Variants in PRSS23 observed in about 807,000 individuals in gnomAD.
PRSS23 encodes serine protease 23.
A neutral mutation model predicts 34.7 loss-of-function variants in PRSS23; 25 were observed. The observed-to-expected ratio is 0.72, with a 90% CI of 0.53 to 1.01. The LOEUF is 1.01. Among genes scored for constraint, PRSS23 ranks in the 50% least tolerant of loss-of-function variants. PRSS23 has a pLI of 0.00. For missense variants in PRSS23, 445 were observed against 475.6 expected, an observed-to-expected ratio of 0.94 and a Z score of 0.60; for synonymous variants, 176 against 186.6, an observed-to-expected ratio of 0.94 and a Z score of 0.46.
intron 2 of PRSS23, among the ~76,000 whole-genome samples, chr11:86,916,752 C>T (rs1168931356): frequency 1.3e-5 from 2 of 152,086 alleles, no homozygotes; most frequent in Non-Finnish European, 2.9e-5. Context: ...CCCAGTCCAC[C>T]AAGAGGCCAG....
At chr11:86,849,886 C>T (rs1191460510) in intron 2 of PRSS23, among the ~76,000 whole-genome samples, 1 of 152,112 alleles carries the variant, frequency 6.6e-6, no homozygotes, top group Non-Finnish European at 1.5e-5. Flanking sequence ...CTGCAGTAGT[C>T]CTCCAAAACT....
intron 2 of PRSS23, among the ~76,000 whole-genome samples, chr11:86,883,782 T>A (rs1316591090): frequency 3.3e-5 from 5 of 152,260 alleles, no homozygotes; most frequent in African/African-American, 1.2e-4. Context: ...GTTTTCATTT[T>A]CATTCATTTC....
At chr11:86,924,787 C>T (rs560153622) in intron 2 of PRSS23, among the ~76,000 whole-genome samples, 156 of 152,262 alleles carry the variant, frequency 1.0e-3, no homozygotes, top group African/African-American at 3.6e-3. Flanking sequence ...CTTTAGTGAA[C>T]GGTTCAGTAT....
chr11:86,855,234 A>G (rs1014745195), intron 2 of PRSS23, among the ~76,000 whole-genome samples: 1 of 152,162 alleles, frequency 6.6e-6, no homozygotes. Context: ...AGAGTATAGA[A>G]GGGTGTGATT....
chr11:86,841,679 T>C (rs1300754790), intron 2 of PRSS23, among the ~76,000 whole-genome samples: 1 of 152,174 alleles, frequency 6.6e-6, no homozygotes, highest in Non-Finnish European at 1.5e-5. Flanking sequence ...ACTAGAAATC[T>C]AGAAGAAATG....
rs1435739799 is a variant in PRSS23 at position 86,928,320 on chromosome 11, CAT to C, written c.207-22893_207-22892del. ...AATATACTTACATAAGTATATAATACATATGTTTAATATTGCATTACATTAAT... is the reference window on the plus strand; with the variant it reads ...AATATACTTACATAAGTATATAATACATGTTTAATATTGCATTACATTAAT... On this transcript the variant is annotated intron_variant, in intron 2 of 2. Transcript: ENST00000533902. Among the ~76,000 whole-genome samples, 7 of 147,612 alleles carry C rather than the reference CAT, an allele frequency of 4.7e-5. No homozygotes were observed. In the East Asian group the frequency reaches 5.9e-4, roughly 12 times the overall value.
At chr11:86,899,513 C>T (rs1236895178) in intron 2 of PRSS23, among the ~76,000 whole-genome samples, 1 of 116,802 alleles carries the variant, frequency 8.6e-6, no homozygotes, top group African/African-American at 3.3e-5. Flanking sequence ...AGTGAGACCC[C>T]GTTTCTTTTT....
intron 2 of PRSS23, among the ~76,000 whole-genome samples, chr11:86,922,734 G>A (rs1484667519): frequency 6.6e-6 from 1 of 152,152 alleles, no homozygotes; most frequent in Non-Finnish European, 1.5e-5. Flanking sequence ...TAGACAGGAA[G>A]GGACACCCAG....
chr11:86,831,066 A>G (rs1169342842), intron 2 of PRSS23, among the ~76,000 whole-genome samples: 2 of 152,042 alleles, frequency 1.3e-5, no homozygotes, highest in Non-Finnish European at 2.9e-5. Context: ...GGGGTTTACA[A>G]CTTGTAATAC....
At chr11:86,941,249 A>G (rs1949205365) in intron 2 of PRSS23, among the ~76,000 whole-genome samples, 1 of 152,242 alleles carries the variant, frequency 6.6e-6, no homozygotes. Context: ...CTGGGTACTC[A>G]GAAACTGTTC....
intron 2 of PRSS23, chr11:86,911,352 G>T (rs1281554630): frequency 6.6e-6 from 1 of 151,736 alleles, no homozygotes. Context: ...ACATGTGCAG[G>T]TTTGTTACGT....
At chr11:86,864,491 C>T (rs758964288) in intron 2 of PRSS23, among the ~76,000 whole-genome samples, 22 of 152,222 alleles carry the variant, frequency 1.4e-4, no homozygotes, top group Non-Finnish European at 2.4e-4. Flanking sequence ...TCCTGGCCAA[C>T]GACATCAGTC....
At chr11:86,811,980 C>G (rs188636195), downstream of PRSS23, among the ~76,000 whole-genome samples, 1 of 152,128 alleles carries the variant, frequency 6.6e-6, no homozygotes, top group Non-Finnish European at 1.5e-5. Flanking sequence ...TGCACTTTTT[C>G]TTTGTTCTTG....
chr11:86,853,320 T>C (rs1315997788), intron 2 of PRSS23, among the ~76,000 whole-genome samples: 1 of 130,174 alleles, frequency 7.7e-6, no homozygotes, highest in Non-Finnish European at 1.6e-5. Flanking sequence ...AGTGGCACAA[T>C]CTGGGCTCAC....
At chr11:86,939,431 T>TTTTTTTAAAATATATATA (rs1555084022) in intron 2 of PRSS23, among the ~76,000 whole-genome samples, 2 of 141,760 alleles carry the variant, frequency 1.4e-5, no homozygotes, top group Non-Finnish European at 1.5e-5. Context: ...TATATATTTT[T>TTTTTTTAAAATATATATA]TAACATGAGT....
intron 1 of PRSS23, among the ~76,000 whole-genome samples, chr11:86,818,877 G>A (rs1490734181): frequency 1.3e-5 from 2 of 152,168 alleles, no homozygotes; most frequent in East Asian, 3.9e-4. Context: ...TGATGGTGGT[G>A]AAATCCTTCT....
intron 2 of PRSS23, among the ~76,000 whole-genome samples, chr11:86,869,038 C>T (rs1336326271): frequency 2.0e-5 from 3 of 152,112 alleles, no homozygotes; most frequent in Admixed American, 1.3e-4. Flanking sequence ...CTCTAAAAGT[C>T]CTGGAGTCAA....
intron 2 of PRSS23, among the ~76,000 whole-genome samples, chr11:86,835,346 G>C (rs1372171274): frequency 6.6e-6 from 1 of 152,196 alleles, no homozygotes. Context: ...TCCTTACTCA[G>C]GTATGCCATG....
At chr11:86,889,603 G>C (rs1348231028) in intron 2 of PRSS23, among the ~76,000 whole-genome samples, 2 of 152,150 alleles carry the variant, frequency 1.3e-5, no homozygotes, top group East Asian at 3.9e-4. Flanking sequence ...CAGAGCCTTC[G>C]TGGCCTAATC....
Sources: allele counts gnomAD v4.1 joint callset (sites outside exome capture counted in the v4.1 genomes callset), GRCh38; gene constraint gnomAD v4.1.1; transcripts MANE v1.5; gene names NCBI Gene and HGNC (gene_info 2026-07-23, HGNC 2026-07-21).